The following CMSS1 variants were observed in gnomAD, a reference collection of about 807,000 sequenced individuals.
The protein encoded by CMSS1 is cms1 ribosomal small subunit homolog, also known as protein CMSS1.
CMSS1 carries 33 observed loss-of-function variants against 43.5 expected under a neutral mutation model. The observed-to-expected ratio is 0.76, with a 90% confidence interval of 0.57 to 1.01. The LOEUF is 1.01. Ranked by LOEUF, CMSS1 falls within the 50% of genes least tolerant of loss-of-function variation. CMSS1 has a pLI of 0.00. For synonymous variants in CMSS1, 115 were observed against 117.2 expected (o/e 0.98, Z 0.12); for missense variants, 313 against 326.4 (o/e 0.96, Z 0.32).
At chr3:100,080,297 A>C (rs1235291698) in intron 1 of CMSS1, among the ~76,000 whole-genome samples, 1 of 151,698 alleles carries the variant, frequency 6.6e-6, no homozygotes, top group East Asian at 1.9e-4. Context: ...TTTTTCTTAA[A>C]GCTCTCATAA....
intron 1 of CMSS1, among the ~76,000 whole-genome samples, chr3:99,899,925 G>A (rs1007947661): frequency 3.9e-5 from 6 of 152,188 alleles, no homozygotes; most frequent in African/African-American, 9.7e-5. Context: ...CTAGTTAGCT[G>A]TTACTAGTAC....
intron 1 of CMSS1, among the ~76,000 whole-genome samples, chr3:100,106,478 A>G (rs1389831050): frequency 6.6e-6 from 1 of 152,154 alleles, no homozygotes; most frequent in African/African-American, 2.4e-5. Context: ...GTGGCAGATG[A>G]TCTGGAGCCA....
intron 1 of CMSS1, among the ~76,000 whole-genome samples, chr3:100,015,186 G>A (rs1710305834): frequency 6.6e-6 from 1 of 151,780 alleles, no homozygotes; most frequent in Non-Finnish European, 1.5e-5. Flanking sequence ...TACCTTCGTT[G>A]TAGATCATTT....
chr3:99,850,802 C>T (rs766888997), intron 1 of CMSS1: 74 of 1,614,044 alleles, frequency 4.6e-5, no homozygotes, highest in Non-Finnish European at 6.2e-5. Flanking sequence ...AGTTCCTTCT[C>T]TAGTCTGGTT....
At chr3:100,071,285 G>A (rs192946011) in intron 1 of CMSS1, among the ~76,000 whole-genome samples, 142 of 152,146 alleles carry the variant, frequency 9.3e-4, no homozygotes, top group African/African-American at 3.3e-3. Context: ...AACTAGCTGG[G>A]TAAGATGGAG....
intron 1 of CMSS1, chr3:100,025,547 C>T (rs1312899274): frequency 6.6e-6 from 1 of 152,124 alleles, no homozygotes; most frequent in Non-Finnish European, 1.5e-5. Flanking sequence ...ATGTTATACT[C>T]GAATCCCTGA....
At chr3:100,147,504 C>T (rs2066864227) in intron 2 of CMSS1, among the ~76,000 whole-genome samples, 1 of 151,970 alleles carries the variant, frequency 6.6e-6, no homozygotes, top group Non-Finnish European at 1.5e-5. Flanking sequence ...AACTCCTGAG[C>T]TCAAGCAATC....
At chr3:100,022,922 G>A (rs2064851995) in intron 1 of CMSS1, among the ~76,000 whole-genome samples, 1 of 152,188 alleles carries the variant, frequency 6.6e-6, no homozygotes, top group African/African-American at 2.4e-5. Flanking sequence ...TTTGGCTGAA[G>A]ATCTGACACT....
chr3:99,978,645 A>G (rs1709035964), intron 1 of CMSS1, among the ~76,000 whole-genome samples: 1 of 152,176 alleles, frequency 6.6e-6, no homozygotes, highest in South Asian at 2.1e-4. Flanking sequence ...CTGTAATCCC[A>G]GGACTTTGGG....
intron 1 of CMSS1, among the ~76,000 whole-genome samples, chr3:99,818,877 A>G (rs1942377149): frequency 6.6e-6 from 1 of 151,960 alleles, no homozygotes; most frequent in Admixed American, 6.5e-5. Flanking sequence ...GTGACCCCCC[A>G]TGTCAGGCTA....
chr3:100,021,960 T>TGTGTGTGTGTGTGTGA (rs1321185364), intron 1 of CMSS1, among the ~76,000 whole-genome samples: 2 of 93,290 alleles, frequency 2.1e-5, no homozygotes, highest in African/African-American at 8.1e-5. Flanking sequence ...TGTGTGTGTG[T>TGTGTGTGTGTGTGTGA]GAGAGAGAGA....
intron 1 of CMSS1, among the ~76,000 whole-genome samples, chr3:100,052,160 T>C (rs1245770430): frequency 2.0e-5 from 3 of 152,196 alleles, no homozygotes; most frequent in Non-Finnish European, 4.4e-5. Flanking sequence ...GACCCCATGA[T>C]GCACACTTAT....
chr3:100,164,197 A>G (rs953146091), intron 4 of CMSS1, among the ~76,000 whole-genome samples: 9 of 152,346 alleles, frequency 5.9e-5, no homozygotes, highest in Non-Finnish European at 8.8e-5. Context: ...TCCTGACTGC[A>G]CTATCACAGG....
At chr3:99,882,919 C>T (rs182506861) in intron 1 of CMSS1, among the ~76,000 whole-genome samples, 1 of 152,282 alleles carries the variant, frequency 6.6e-6, no homozygotes, top group Admixed American at 6.5e-5. Flanking sequence ...CTAAGATTGG[C>T]CACATGTCAA....
At chr3:99,902,131 C>A (rs988347649) in intron 1 of CMSS1, among the ~76,000 whole-genome samples, 5 of 152,202 alleles carry the variant, frequency 3.3e-5, no homozygotes, top group African/African-American at 1.2e-4. Context: ...TAGAAATATT[C>A]ATGATGTTAT....
intron 1 of CMSS1, chr3:99,848,269 C>T (rs781184828): frequency 8.1e-5 from 130 of 1,611,128 alleles, no homozygotes; most frequent in Non-Finnish European, 9.8e-5. Context: ...TGAGGGTGAG[C>T]GTGGTCAGTT....
chr3:100,153,409 CT>C (rs1172176172), intron 2 of CMSS1, among the ~76,000 whole-genome samples: 1 of 152,194 alleles, frequency 6.6e-6, no homozygotes, highest in Non-Finnish European at 1.5e-5. Flanking sequence ...CACATTAAGT[CT>C]GCTAGGGCTG....
intron 1 of CMSS1, among the ~76,000 whole-genome samples, chr3:99,956,773 C>T (rs886388378): frequency 6.6e-6 from 1 of 152,178 alleles, no homozygotes; most frequent in African/African-American, 2.4e-5. Flanking sequence ...TATAACACGC[C>T]CAGTGGTCCC....
intron 1 of CMSS1, among the ~76,000 whole-genome samples, chr3:99,847,063 C>T (rs556848701): frequency 1.1e-4 from 16 of 152,280 alleles, no homozygotes; most frequent in Non-Finnish European, 2.1e-4. Context: ...TTATTCTCAT[C>T]TATATTGTAA....
Sources: gnomAD v4.1 joint callset for allele counts (sites outside exome capture counted in the v4.1 genomes callset) on GRCh38, gnomAD v4.1.1 for gene constraint, MANE v1.5 for transcripts, NCBI Gene and HGNC (gene_info 2026-07-23, HGNC 2026-07-21) for gene names.